KCNMA1: variants seen among roughly 807,000 people sequenced by gnomAD.
KCNMA1 encodes the protein Calcium-activated potassium channel subunit alpha-1.
A neutral mutation model predicts 140.0 loss-of-function variants in KCNMA1; 29 were observed. That is an observed-to-expected ratio of 0.21 (90% CI 0.15 to 0.28). The LOEUF (loss-of-function observed/expected upper bound fraction) is 0.28. KCNMA1 is among the 10% of genes least tolerant of loss of function. KCNMA1 has a pLI of 1.00. For synonymous variants in KCNMA1, 612 were observed against 611.9 expected (o/e 1.00, Z 0.00); for missense variants, 880 against 1,602.2 (o/e 0.55, Z 7.70).
intron 15 of KCNMA1, among the ~76,000 whole-genome samples, chr10:77,034,654 C>T (rs74140263): frequency 0.011 from 1,630 of 152,296 alleles, 15 homozygotes; most frequent in African/African-American, 0.037. Flanking sequence ...ATACTTGCCC[C>T]TGGGCTTGGG....
intron 15 of KCNMA1, among the ~76,000 whole-genome samples, chr10:77,035,858 GAGA>G (rs1401429202): frequency 6.6e-6 from 1 of 152,230 alleles, no homozygotes; most frequent in Non-Finnish European, 1.5e-5. Context: ...TCCTATTTCA[GAGA>G]AGGAGATTGG....
intron 16 of KCNMA1, chr10:77,020,250 A>G (rs893999356): frequency 2.0e-5 from 3 of 152,166 alleles, no homozygotes; most frequent in African/African-American, 7.2e-5. Context: ...CTTTTTTCCT[A>G]CTGATAAACC....
At chr10:77,496,326 G>A (rs2041907078) in intron 1 of KCNMA1, among the ~76,000 whole-genome samples, 1 of 152,138 alleles carries the variant, frequency 6.6e-6, no homozygotes, top group Non-Finnish European at 1.5e-5. Context: ...GCCGGGCACG[G>A]TGGCTCACGC....
chr10:77,507,857 G>C (rs1353864913), intron 1 of KCNMA1, among the ~76,000 whole-genome samples: 1 of 152,228 alleles, frequency 6.6e-6, no homozygotes. Context: ...CAGCAATTCT[G>C]CTTCTAGGAA....
In KCNMA1 at chr10:77,576,675, G is replaced by C. The variant is rs563878628; in HGVS notation, c.378+60590C>G. Among the ~76,000 whole-genome samples the C allele has an allele frequency of 2.2e-4, 33 of 152,292 alleles. No homozygotes were observed. In the South Asian group the frequency reaches 4.1e-3, roughly 19 times the overall value. ...CTCACCATGGGATTCTAAAAGGAGTGACGCTAACAGCTGGAACAAGAAGAC... is the reference window on the plus strand; with the variant it reads ...CTCACCATGGGATTCTAAAAGGAGTCACGCTAACAGCTGGAACAAGAAGAC... On this transcript the variant is annotated intron_variant, in intron 1 of 27. Coordinates refer to ENST00000286628, the MANE Select transcript of KCNMA1 (RefSeq NM_001161352.2).
At position 76,887,078 on chromosome 10, in the gene KCNMA1, G is replaced by A; in HGVS notation, c.*188C>T. 2.6e-6 allele frequency: 4 copies of A among 1,524,312 alleles called. No individual in the cohort carries two copies. The highest frequency in any genetic ancestry group is 3.5e-6 in the Non-Finnish European group (4 of 1,140,464). 94.4% of individuals were successfully genotyped at this position (1,524,312 alleles called of 1,614,324 possible). On this transcript the variant is annotated 3_prime_UTR_variant, in exon 28 of 28. Coordinates refer to ENST00000286628, the MANE Select transcript of KCNMA1 (RefSeq NM_001161352.2). Reference sequence around the variant, plus strand: ...TTGGTCCGTCTGCTTATTTGCTGTTGTGCTCAAGGGTTTTATGGTGGTGAA... The same window carrying A: ...TTGGTCCGTCTGCTTATTTGCTGTTATGCTCAAGGGTTTTATGGTGGTGAA...
chr10:77,216,672 T>C (rs558085651), intron 3 of KCNMA1, among the ~76,000 whole-genome samples: 1 of 152,254 alleles, frequency 6.6e-6, no homozygotes, highest in Non-Finnish European at 1.5e-5. Context: ...TACCAGCTTC[T>C]GAAGGCTTCT....
At chr10:77,222,114 G>A (rs1369967955) in intron 3 of KCNMA1, among the ~76,000 whole-genome samples, 1 of 152,140 alleles carries the variant, frequency 6.6e-6, no homozygotes, top group Non-Finnish European at 1.5e-5. Flanking sequence ...CTACAAGAGA[G>A]AGAAAAAAAG....
At chr10:76,923,423 C>T (rs1043714371) in intron 23 of KCNMA1, among the ~76,000 whole-genome samples, 5 of 143,810 alleles carry the variant, frequency 3.5e-5, no homozygotes, top group African/African-American at 5.3e-5. Flanking sequence ...AGCGAGACTC[C>T]GTCTCAAAAA....
intron 22 of KCNMA1, among the ~76,000 whole-genome samples, chr10:76,945,250 C>T (rs1313906229): frequency 1.3e-5 from 2 of 152,056 alleles, no homozygotes; most frequent in East Asian, 3.9e-4. Flanking sequence ...TACTAACAAA[C>T]GCGGGAGAGG....
chr10:77,468,433 G>C (rs1470941785), intron 1 of KCNMA1, among the ~76,000 whole-genome samples: 1 of 152,104 alleles, frequency 6.6e-6, no homozygotes, highest in Non-Finnish European at 1.5e-5. Context: ...TCAGAGACAG[G>C]GTATTCAAAG....
chr10:77,013,688 T>C (rs2091385270), intron 17 of KCNMA1, among the ~76,000 whole-genome samples: 1 of 152,236 alleles, frequency 6.6e-6, no homozygotes, highest in Admixed American at 6.5e-5. Flanking sequence ...TGGTTCTAAG[T>C]ATTTTATAAG....
chr10:77,209,673 C>CA (rs776250275), intron 3 of KCNMA1, among the ~76,000 whole-genome samples: 9 of 151,470 alleles, frequency 5.9e-5, no homozygotes, highest in Admixed American at 2.6e-4. Flanking sequence ...GCCAGATTAA[C>CA]AAAAAAAGAA....
intron 3 of KCNMA1, chr10:77,250,757 C>T (rs1600024888): frequency 4.8e-6 from 1 of 209,514 alleles, no homozygotes; most frequent in East Asian, 1.1e-4. Flanking sequence ...CTAATCTGAC[C>T]TCCAGTAAGA....
intron 5 of KCNMA1, among the ~76,000 whole-genome samples, chr10:77,132,489 T>C (rs924233052): frequency 1.3e-5 from 2 of 151,966 alleles, no homozygotes; most frequent in Non-Finnish European, 2.9e-5. Context: ...TATCCTCAGA[T>C]TGGAAAGGTC....
At chr10:77,346,908 G>A (rs143860462) in intron 2 of KCNMA1, among the ~76,000 whole-genome samples, 99 of 152,318 alleles carry the variant, frequency 6.5e-4, no homozygotes, top group African/African-American at 2.1e-3. Context: ...CCCATTGCCC[G>A]ACTGCCCTGC....
At chr10:77,599,084 A>C (rs567647156) in intron 1 of KCNMA1, among the ~76,000 whole-genome samples, 4 of 152,306 alleles carry the variant, frequency 2.6e-5, no homozygotes, top group African/African-American at 9.6e-5. Context: ...TTCCTCCCTA[A>C]AAGTCAAAAT....
At chr10:77,619,543 C>A (rs988513707) in intron 1 of KCNMA1, among the ~76,000 whole-genome samples, 1 of 152,128 alleles carries the variant, frequency 6.6e-6, no homozygotes, top group Non-Finnish European at 1.5e-5. Flanking sequence ...AGCTCTGCCC[C>A]AAAGGGTACA....
chr10:77,618,836 C>T (rs1467176824), intron 1 of KCNMA1, among the ~76,000 whole-genome samples: 2 of 152,176 alleles, frequency 1.3e-5, no homozygotes, highest in Admixed American at 1.3e-4. Context: ...CTCTAGAAAT[C>T]CCGTTGTTAA....
Sources: allele counts gnomAD v4.1 joint callset (sites outside exome capture counted in the v4.1 genomes callset), GRCh38; gene constraint gnomAD v4.1.1; transcripts MANE v1.5; gene names NCBI Gene and HGNC (gene_info 2026-07-23, HGNC 2026-07-21).